CANX: variants seen among roughly 807,000 people sequenced by gnomAD.
CANX encodes the protein epididymis secretory sperm binding protein.
Under a neutral mutation model 75.7 loss-of-function variants are expected in CANX, and 14 were observed. The observed-to-expected ratio is 0.19, with a 90% CI of 0.12 to 0.29. The LOEUF (loss-of-function observed/expected upper bound fraction) is 0.29, where lower values mean the gene tolerates loss of function less well. CANX is among the 10% of genes least tolerant of loss of function. The pLI is 1.00. For synonymous variants in CANX, 227 were observed against 236.9 expected, an observed-to-expected ratio of 0.96 and a Z score of 0.38; for missense variants, 567 against 713.2, an observed-to-expected ratio of 0.79 and a Z score of 2.34.
intron 1 of CANX, among the ~76,000 whole-genome samples, chr5:179,688,296 G>T (rs142270740): frequency 2.0e-5 from 3 of 149,504 alleles, no homozygotes; most frequent in African/African-American, 7.4e-5. Context: ...CTCAGGATCC[G>T]CCTGGCTTAG....
At chr5:179,684,702 T>C (rs1776153039) in intron 1 of CANX, among the ~76,000 whole-genome samples, 1 of 151,798 alleles carries the variant, frequency 6.6e-6, no homozygotes, top group African/African-American at 2.4e-5. Context: ...TGCTGTTGTT[T>C]TGTTGTTGTT....
At chr5:179,685,856 A>G (rs1013593044) in intron 1 of CANX, among the ~76,000 whole-genome samples, 3 of 150,248 alleles carry the variant, frequency 2.0e-5, no homozygotes, top group African/African-American at 7.3e-5. Context: ...CGCCCTGCCT[A>G]ATGTTTGTAT....
Position 179,726,449 on chromosome 5 carries a change from G to A in CANX, c.1646-231G>A, listed in dbSNP as rs183008776. Among the ~76,000 whole-genome samples, 19 of 151,822 alleles carry A rather than the reference G, an allele frequency of 1.3e-4. No individual in the cohort carries two copies. The East Asian group carries it at 2.1e-3, about 17-fold the overall frequency. The stretch of plus-strand genomic sequence containing the variant: ...AAGTTAGCCGGGCATGGTGGCAGGC[G>A]CCTGTAGTCCCAGCTATTCAGAACA... On this transcript the variant is annotated intron_variant, in intron 13 of 14. Coordinates refer to ENST00000247461, the MANE Select transcript of CANX (RefSeq NM_001746.4).
intron 1 of CANX, among the ~76,000 whole-genome samples, chr5:179,688,828 T>C (rs1776242221): frequency 1.4e-5 from 2 of 147,750 alleles, no homozygotes; most frequent in Admixed American, 6.8e-5. Flanking sequence ...ATACGAAAAT[T>C]AGCCAGAGTG....
At chr5:179,703,946 T>C (rs1222681600) in intron 1 of CANX, among the ~76,000 whole-genome samples, 5 of 152,158 alleles carry the variant, frequency 3.3e-5, no homozygotes, top group African/African-American at 1.2e-4. Context: ...AGTGAAAGAC[T>C]ATGATTGATT....
intron 7 of CANX, among the ~76,000 whole-genome samples, 176 bp downstream of exon 7, chr5:179,710,241 G>C (rs1008822515): frequency 6.6e-6 from 1 of 151,590 alleles, no homozygotes; most frequent in African/African-American, 2.4e-5. Context: ...TGGCCAAAAT[G>C]TTGAAACTTC....
chr5:179,711,628 A>C (rs904822175), intron 7 of CANX, among the ~76,000 whole-genome samples: 54 of 150,980 alleles, frequency 3.6e-4, no homozygotes, highest in African/African-American at 1.3e-3. Flanking sequence ...ATCTCTACTA[A>C]AAATACAAAA....
rs1033591598 is a variant in CANX, at chr5:179,684,271, C to T, written c.-4+5494C>T. Among the ~76,000 whole-genome samples, 9 of 152,096 alleles carry T rather than the reference C, an allele frequency of 5.9e-5. No individual in the cohort carries two copies. The East Asian group carries it at 1.2e-3, about 20-fold the overall frequency. The stretch of plus-strand genomic sequence containing the variant: ...AAAGGTGGTGGTGGCGTTTTTGAGA[C>T]GGGGTCTTACCGTGGTGCCTAGGCT... On this transcript the variant is annotated intron_variant, in intron 1 of 14. Transcript: ENST00000681674.
upstream of CANX, among the ~76,000 whole-genome samples, chr5:179,693,942 A>G (rs1023043329): frequency 1.3e-5 from 2 of 152,118 alleles, no homozygotes; most frequent in African/African-American, 2.4e-5. Context: ...TAGCATGAGT[A>G]TAGAGAAACT....
At chr5:179,698,684 C>A (rs1050736477), upstream of CANX, 35 of 1,002,880 alleles carry the variant, frequency 3.5e-5, no homozygotes, top group African/African-American at 4.8e-4. Flanking sequence ...AAACCAGCCC[C>A]GCCCCGAGAC....
At position 179,707,701 on chromosome 5, in the gene CANX, A is replaced by G. The variant is rs1777253776; in HGVS notation, c.304+511A>G. 2.4e-5 allele frequency among the ~76,000 whole-genome samples: 3 copies of G among 125,514 alleles called. No individual in the cohort carries two copies. In the South Asian group the frequency reaches 7.4e-4, roughly 31 times the overall value. The allele number at this position is 125,514 out of a possible 152,430, so 82.3% of individuals were successfully genotyped here. On this transcript the variant is annotated intron_variant, in intron 4 of 14. Coordinates refer to ENST00000247461, the MANE Select transcript of CANX (RefSeq NM_001746.4). ...TTCAGGGGTGCATGTGTAGCCTTATATTTAATAGGATTAGATCTGTTTAAT... is the reference window on the plus strand; with the variant it reads ...TTCAGGGGTGCATGTGTAGCCTTATGTTTAATAGGATTAGATCTGTTTAAT...
In CANX at chr5:179,728,853, G is replaced by A; in HGVS notation, c.*209G>A. 1.6e-6 allele frequency: 1 copy of A among 641,492 alleles called. No individual in the cohort carries two copies. The highest frequency in any genetic ancestry group is 2.9e-6 in the Non-Finnish European group (1 of 348,358). The allele number at this position is 641,492 out of a possible 1,614,324, so 39.7% of individuals were successfully genotyped here. A position where few individuals can be genotyped will look rare whatever the true frequency, so the allele number is the denominator to read the frequency against. On this transcript the variant is annotated 3_prime_UTR_variant, in exon 15 of 15. Transcript: ENST00000247461. ...TGATATAAAGGACCCTGTTTCTGTA[G>A]AAAAGAAAACATTTAACATAATGGT...
At chr5:179,682,821 G>A (rs1261716299) in intron 1 of CANX, among the ~76,000 whole-genome samples, 1 of 151,908 alleles carries the variant, frequency 6.6e-6, no homozygotes, top group African/African-American at 2.4e-5. Context: ...TAATTTAGAT[G>A]TGGTGCTCGG....
chr5:179,690,254 A>G (rs1776275806), intron 1 of CANX, among the ~76,000 whole-genome samples: 1 of 152,164 alleles, frequency 6.6e-6, no homozygotes, highest in Admixed American at 6.6e-5. Context: ...CTGAAACAAC[A>G]TGGTGTTCTC....
intron 7 of CANX, among the ~76,000 whole-genome samples, chr5:179,713,754 CA>C (rs11403069): frequency 1.4e-4 from 21 of 151,440 alleles, no homozygotes; most frequent in Non-Finnish European, 3.1e-4. Flanking sequence ...CTTGTTCCTA[CA>C]AAAAAATAAT....
chr5:179,720,264 T>C (rs1778226447), intron 9 of CANX, 140 bp from the exon 10 acceptor site: 3 of 492,962 alleles, frequency 6.1e-6, no homozygotes, highest in Non-Finnish European at 1.1e-5. Context: ...GAAAAACTGT[T>C]ATTACTGGAA....
At chr5:179,699,224 C>A in intron 1 of CANX, 122 bp downstream of exon 1, 2 of 548,044 alleles carry the variant, frequency 3.6e-6, no homozygotes, top group Non-Finnish European at 4.7e-6. Flanking sequence ...CTCTTGAGGG[C>A]CCAGGCCCTG....
chr5:179,707,913 C>T lies in CANX; in HGVS notation c.305-326C>T, dbSNP rs535694346. Among the ~76,000 whole-genome samples, 23 of 152,142 alleles carry T rather than the reference C, an allele frequency of 1.5e-4. No homozygotes were observed. The East Asian group carries it at 1.9e-3, about 13-fold the overall frequency. ...ATAGAGTGGCGTGATCTTGGCTCAC[C>T]GCAACCTCTGTTTCTTGGGTTCAAG... is the stretch of plus-strand genomic sequence containing the variant. On this transcript the variant is annotated intron_variant, in intron 4 of 14. Transcript: ENST00000247461.
At chr5:179,679,431 A>G (rs991515985) in intron 1 of CANX, 11 of 610,476 alleles carry the variant, frequency 1.8e-5, no homozygotes, top group Non-Finnish European at 2.8e-5. Flanking sequence ...CAGCAGTCTC[A>G]CCTAAACCAT....
Sources: allele counts gnomAD v4.1 joint callset (sites outside exome capture counted in the v4.1 genomes callset), GRCh38; gene constraint gnomAD v4.1.1; transcripts MANE v1.5; gene names NCBI Gene and HGNC (gene_info 2026-07-23, HGNC 2026-07-21).